Variants in DECR1 observed in about 807,000 individuals in gnomAD.
DECR1 encodes the protein 2,4-dienoyl-CoA reductase [(3E)-enoyl-CoA-producing], mitochondrial.
In DECR1, 44 loss-of-function variants were observed where a neutral mutation model predicts 38.8. The ratio of observed to expected loss-of-function variants is 1.13; its 90% CI spans 0.89 to 1.46. The LOEUF (loss-of-function observed/expected upper bound fraction) is 1.46, where lower values mean the gene tolerates loss of function less well. Among genes scored for constraint, DECR1 ranks in the 40% most tolerant of loss-of-function variants. The pLI, the probability that DECR1 is intolerant of heterozygous loss-of-function variation, is 0.00. For missense variants in DECR1, 428 were observed against 405.5 expected, an observed-to-expected ratio of 1.06 and a Z score of -0.48; for synonymous variants, 148 against 135.2, an observed-to-expected ratio of 1.09 and a Z score of -0.66.
At chr8:90,041,623 T>C (rs1269172052) in intron 6 of DECR1, among the ~76,000 whole-genome samples, 1 of 152,184 alleles carries the variant, frequency 6.6e-6, no homozygotes, top group Non-Finnish European at 1.5e-5. Context: ...TTAGAGACAA[T>C]TGTGCTTTTC....
intron 5 of DECR1, among the ~76,000 whole-genome samples, chr8:90,036,053 G>A (rs1813610026): frequency 6.6e-6 from 1 of 151,986 alleles, no homozygotes; most frequent in Admixed American, 6.6e-5. Flanking sequence ...CCTAGTAGTT[G>A]TTCTTTGCCT....
chr8:90,017,138 G>T lies in DECR1; in HGVS notation c.84G>T (p.Gly28=), dbSNP rs778945076. ...TCCCCTTTTAGTTTTTCAGTTATGGGACAAAAATATTATATCAAAACACTG... is the reference window on the plus strand; with the variant it reads ...TCCCCTTTTAGTTTTTCAGTTATGGTACAAAAATATTATATCAAAACACTG... The part of the protein sequence containing the change: ...GLAPRRFFSY[G]TKILYQNTEA... Residue 28 remains glycine, a synonymous_variant, in exon 2 of 10, where the codon GGG becomes GGT. Transcript: ENST00000220764. 4 of 1,612,550 alleles carry T rather than the reference G, an allele frequency of 2.5e-6. No homozygotes were observed. Among genetic ancestry groups the T allele is most frequent in the South Asian group, 2.2e-5 (2 of 90,822 alleles).
In DECR1 at chr8:90,026,939, T is replaced by G. The variant is rs181498862; in HGVS notation, c.565+5883T>G. Among the ~76,000 whole-genome samples the G allele has an allele frequency of 9.5e-3, 1,454 of 152,336 alleles. 26 individuals are homozygous for G. Among genetic ancestry groups the G allele is most frequent in the African/African-American group, 0.034 (1,404 of 41,576 alleles). Reference sequence around the variant, plus strand: ...ATGTTGTGTCTTTGTTCTCATTGGCTTCAAAGAACATCTTTATTTCTGCTT... The same window carrying G: ...ATGTTGTGTCTTTGTTCTCATTGGCGTCAAAGAACATCTTTATTTCTGCTT... On this transcript the variant is annotated intron_variant, in intron 5 of 9. Coordinates refer to ENST00000220764, the MANE Select transcript of DECR1 (RefSeq NM_001359.2).
At chr8:90,028,786 A>G (rs550603569) in intron 5 of DECR1, among the ~76,000 whole-genome samples, 1 of 144,514 alleles carries the variant, frequency 6.9e-6, no homozygotes, top group Non-Finnish European at 1.5e-5. Flanking sequence ...TTCATATCTA[A>G]TGTTTATTGA....
chr8:90,008,910 C>T (rs896797206), intron 1 of DECR1, among the ~76,000 whole-genome samples: 6 of 152,150 alleles, frequency 3.9e-5, no homozygotes, highest in Admixed American at 2.0e-4. Context: ...ATGATAGCAT[C>T]CTGGGCTAAG....
At chr8:90,048,204 T>C (rs1051978918) in intron 8 of DECR1, among the ~76,000 whole-genome samples, 2 of 151,192 alleles carry the variant, frequency 1.3e-5, no homozygotes, top group African/African-American at 2.4e-5. Flanking sequence ...CTGAAGGAGA[T>C]AGAGACACAA....
At chr8:90,042,266 G>C (rs556147596) in intron 6 of DECR1, among the ~76,000 whole-genome samples, 2 of 152,124 alleles carry the variant, frequency 1.3e-5, no homozygotes, top group Non-Finnish European at 2.9e-5. Context: ...AGGGCTATGA[G>C]TAAAGTTATA....
intron 5 of DECR1, among the ~76,000 whole-genome samples, chr8:90,023,814 C>T (rs1813229090): frequency 6.6e-6 from 1 of 152,080 alleles, no homozygotes. Context: ...GTGTGCTGCA[C>T]TCATTAACTC....
intron 5 of DECR1, among the ~76,000 whole-genome samples, chr8:90,023,713 T>C (rs1189190955): frequency 2.0e-5 from 3 of 152,048 alleles, no homozygotes; most frequent in Non-Finnish European, 2.9e-5. Flanking sequence ...TCTAGTTTGC[T>C]GATAGCTTTT....
chr8:90,037,043 A>G (rs1376439695), intron 6 of DECR1, 103 bp downstream of exon 6: 4 of 774,648 alleles, frequency 5.2e-6, no homozygotes, highest in Non-Finnish European at 4.3e-6. Context: ...AGAAAAGTAA[A>G]CAAAGACTTG....
chr8:90,046,431 A>T (rs1813904232), intron 8 of DECR1, among the ~76,000 whole-genome samples: 1 of 152,246 alleles, frequency 6.6e-6, no homozygotes, highest in South Asian at 2.1e-4. Context: ...AGTGGAGGAA[A>T]GGGTATCAGT....
At chr8:90,051,139 A>G (rs1329561086) in intron 8 of DECR1, among the ~76,000 whole-genome samples, 1 of 151,864 alleles carries the variant, frequency 6.6e-6, no homozygotes, top group African/African-American at 2.4e-5. Context: ...AAACCTGCAC[A>G]TTGTGCACAT....
Position 90,020,899 on chromosome 8 carries a change from C to A in DECR1, c.418-10C>A, listed in dbSNP as rs759009481. ...TAAAGTTTCTGTAACTTGCCTTGTT[C>A]ATTTATTAGATTGTGATAAACAATG... On this transcript the variant is annotated splice_polypyrimidine_tract_variant and intron_variant, in intron 4 of 9. Coordinates refer to ENST00000220764, the MANE Select transcript of DECR1 (RefSeq NM_001359.2). 1 of 1,519,598 alleles carries A rather than the reference C, an allele frequency of 6.6e-7. No individual in the cohort carries two copies. Among genetic ancestry groups the A allele is most frequent in the South Asian group, 1.3e-5 (1 of 76,572 alleles). The allele number at this position is 1,519,598 out of a possible 1,614,324, so 94.1% of individuals were successfully genotyped here.
At chr8:90,026,342 C>T (rs1813336559) in intron 5 of DECR1, among the ~76,000 whole-genome samples, 1 of 152,178 alleles carries the variant, frequency 6.6e-6, no homozygotes. Context: ...GGCTGTGAAT[C>T]TGTCTGTTCC....
chr8:90,050,054 G>C (rs1173033574), intron 8 of DECR1, among the ~76,000 whole-genome samples: 1 of 152,124 alleles, frequency 6.6e-6, no homozygotes, highest in Non-Finnish European at 1.5e-5. Flanking sequence ...TTAAATGTTA[G>C]ACCTGAAACT....
intron 1 of DECR1, chr8:90,006,253 G>T (rs984108785): frequency 8.5e-6 from 6 of 704,046 alleles, no homozygotes; most frequent in Admixed American, 2.0e-5. Flanking sequence ...GACTGGGGAA[G>T]AAGCATCTCC....
At chr8:90,033,303 A>G (rs1263791719) in intron 5 of DECR1, among the ~76,000 whole-genome samples, 1 of 152,186 alleles carries the variant, frequency 6.6e-6, no homozygotes, top group Non-Finnish European at 1.5e-5. Context: ...CCATTTCAAA[A>G]TAACAAAGGA....
rs141854734 is a variant in DECR1, at chr8:90,020,492, G to A, written c.418-417G>A. Among the ~76,000 whole-genome samples, 152 of 152,214 alleles carry A rather than the reference G, an allele frequency of 1.0e-3. 1 individual carries two copies. In the East Asian group the frequency reaches 0.023, roughly 23 times the overall value. ...GAGCCTTGACCTCCTGGGTTCAAGC[G>A]ATACTCCCACCTCAGCCTCCCAAGT... On this transcript the variant is annotated intron_variant, in intron 4 of 9. Coordinates refer to ENST00000220764, the MANE Select transcript of DECR1 (RefSeq NM_001359.2).
rs1813027412 is a variant in DECR1 at position 90,017,118 on chromosome 8, T to C, written c.70-6T>C. On this transcript the variant is annotated splice_polypyrimidine_tract_variant and splice_region_variant and intron_variant, in intron 1 of 9. Coordinates refer to ENST00000220764, the MANE Select transcript of DECR1 (RefSeq NM_001359.2). ...ATGCAAATTTAAATTCATTTTCCCC[T>C]TTTAGTTTTTCAGTTATGGGACAAA... 4 of 1,601,134 alleles carry C rather than the reference T, an allele frequency of 2.5e-6. No homozygotes were observed. Among genetic ancestry groups the C allele is most frequent in the Non-Finnish European group, 3.4e-6 (4 of 1,170,706 alleles).
Sources: allele counts gnomAD v4.1 joint callset (sites outside exome capture counted in the v4.1 genomes callset), GRCh38; gene constraint gnomAD v4.1.1; transcripts MANE v1.5; gene names NCBI Gene and HGNC (gene_info 2026-07-23, HGNC 2026-07-21).